The following FAM20B variants were observed in gnomAD, a reference collection of about 807,000 sequenced individuals.
FAM20B encodes the protein FAM20B glycosaminoglycan xylosylkinase.
In FAM20B, 23 loss-of-function variants were observed where a neutral mutation model predicts 43.8. That is an observed-to-expected ratio of 0.53 (90% CI 0.38 to 0.74). The LOEUF (loss-of-function observed/expected upper bound fraction) is 0.74. Ranked by LOEUF, FAM20B falls within the 30% of genes least tolerant of loss-of-function variation. The pLI, the probability that FAM20B is intolerant of heterozygous loss-of-function variation, is 0.00. For synonymous variants in FAM20B, 178 were observed against 192.4 expected, an observed-to-expected ratio of 0.93 and a Z score of 0.62; for missense variants, 440 against 510.5, an observed-to-expected ratio of 0.86 and a Z score of 1.33.
rs1356209879 is a variant in FAM20B, at chr1:179,040,703, G to A, written c.-133-3012G>A. On this transcript the variant is annotated intron_variant, in intron 1 of 7. Coordinates refer to ENST00000263733, the MANE Select transcript of FAM20B (RefSeq NM_014864.4). The stretch of plus-strand genomic sequence containing the variant: ...TCCCGGACGGGGCGGCTGGCCTGGC[G>A]GGGGCTGACCCCCCACCTCCCTCCC... 2.4e-5 allele frequency among the ~76,000 whole-genome samples: 3 copies of A among 126,316 alleles called. 1 individual carries two copies. The highest frequency in any genetic ancestry group is 2.2e-4 in the East Asian group (1 of 4,594). 82.9% of individuals were successfully genotyped at this position (126,316 alleles called of 152,430 possible).
intron 1 of FAM20B, among the ~76,000 whole-genome samples, chr1:179,026,889 A>G (rs1649813763): frequency 6.6e-6 from 1 of 152,248 alleles, no homozygotes. Flanking sequence ...CAGTCTCCGG[A>G]TAAGAAGAGA....
At chr1:179,042,901 CCCATGGGTGG>C (rs938376504) in intron 1 of FAM20B, among the ~76,000 whole-genome samples, 5 of 152,112 alleles carry the variant, frequency 3.3e-5, no homozygotes, top group African/African-American at 7.2e-5. Flanking sequence ...TGCTGATTGG[CCCATGGGTGG>C]CCATGGGTGG....
intron 1 of FAM20B, chr1:179,035,262 TTCTC>T (rs1258052295): frequency 1.8e-6 from 1 of 560,402 alleles, no homozygotes; most frequent in Non-Finnish European, 3.3e-6. Flanking sequence ...CATTGTATTT[TTCTC>T]CAGAGAATGG....
intron 3 of FAM20B, 137 bp from the exon 4 acceptor site, chr1:179,054,392 A>G (rs575064875): frequency 1.8e-6 from 1 of 551,140 alleles, no homozygotes; most frequent in South Asian, 2.4e-5. Flanking sequence ...AAATATATGT[A>G]CCTCTAAAAA....
At chr1:179,041,140 C>T (rs531342754) in intron 1 of FAM20B, among the ~76,000 whole-genome samples, 5 of 150,528 alleles carry the variant, frequency 3.3e-5, no homozygotes, top group South Asian at 2.1e-4. Context: ...GATGGGATGG[C>T]GGCCGGGCAG....
chr1:179,055,097 G>A (rs905223801), intron 4 of FAM20B, among the ~76,000 whole-genome samples: 5 of 152,164 alleles, frequency 3.3e-5, no homozygotes, highest in African/African-American at 1.2e-4. Flanking sequence ...TTGTAAGGTT[G>A]TATTTGGACC....
Position 179,054,596 on chromosome 1 carries a change from C to T in FAM20B, c.532C>T (p.Pro178Ser). The part of the protein sequence containing the change: ...RFVNLRTEIK[P>S]VATEQLLSTF... ...TGTTAATCTTCGGACAGAGATCAAACCTGTCGCCACAGAGCAGCTGTTGAG... is the reference window on the plus strand; with the variant it reads ...TGTTAATCTTCGGACAGAGATCAAATCTGTCGCCACAGAGCAGCTGTTGAG... Residue 178 changes from proline (P) to serine (S), a missense_variant, in exon 4 of 8, where the codon CCT becomes TCT. Coordinates refer to ENST00000263733, the MANE Select transcript of FAM20B (RefSeq NM_014864.4). 6.2e-7 allele frequency: 1 copy of T among 1,612,828 alleles called. No individual in the cohort carries two copies. The highest frequency in any genetic ancestry group is 8.5e-7 in the Non-Finnish European group (1 of 1,179,114).
At position 179,040,213 on chromosome 1, in the gene FAM20B, C is replaced by T. The variant is rs533070803; in HGVS notation, c.-133-3502C>T. On this transcript the variant is annotated intron_variant, in intron 1 of 7. Coordinates refer to ENST00000263733, the MANE Select transcript of FAM20B (RefSeq NM_014864.4). Reference sequence around the variant, plus strand: ...CCCTTTCTACTCCACAAAACCGCCACTGTCATCATGGCCCGTTCCCAGTGA... The same window carrying T: ...CCCTTTCTACTCCACAAAACCGCCATTGTCATCATGGCCCGTTCCCAGTGA... Among the ~76,000 whole-genome samples the T allele has an allele frequency of 2.0e-4, 31 of 152,374 alleles. No individual in the cohort carries two copies. The South Asian group carries it at 2.1e-3, about 10-fold the overall frequency.
intron 4 of FAM20B, among the ~76,000 whole-genome samples, chr1:179,059,525 TC>T (rs1428379728): frequency 6.6e-6 from 1 of 152,144 alleles, no homozygotes. Flanking sequence ...CCCCACATTC[TC>T]CCTTCTAGTT....
At chr1:179,054,868 T>C (rs1004047767) in intron 4 of FAM20B, among the ~76,000 whole-genome samples, 5 of 152,170 alleles carry the variant, frequency 3.3e-5, no homozygotes, top group African/African-American at 1.2e-4. Context: ...GGGAGTGAGG[T>C]CATTTAGTGA....
At chr1:179,050,516 G>A (rs1650960641) in intron 3 of FAM20B, 151 bp downstream of exon 3, 1 of 585,326 alleles carries the variant, frequency 1.7e-6, no homozygotes, top group Non-Finnish European at 3.0e-6. Context: ...CATTAAACTT[G>A]TATGAGTCTC....
intron 1 of FAM20B, among the ~76,000 whole-genome samples, chr1:179,028,054 CT>C: frequency 6.6e-6 from 1 of 152,288 alleles, no homozygotes; most frequent in East Asian, 1.9e-4. Context: ...CTAAATGAAA[CT>C]TTCTGTTCCT....
chr1:179,057,889 G>A (rs1177807930), intron 4 of FAM20B, among the ~76,000 whole-genome samples: 1 of 152,068 alleles, frequency 6.6e-6, no homozygotes, highest in African/African-American at 2.4e-5. Context: ...ATTCGTGAAG[G>A]TGATATTTTA....
chr1:179,066,217 G>C (rs1316318806), intron 6 of FAM20B, among the ~76,000 whole-genome samples: 1 of 152,184 alleles, frequency 6.6e-6, no homozygotes, highest in Non-Finnish European at 1.5e-5. Context: ...CAGTTTTCCA[G>C]AATCAGTTCT....
At chr1:179,030,246 T>TGTAGATAGTGAAC (rs1649953920) in intron 1 of FAM20B, among the ~76,000 whole-genome samples, 1 of 152,060 alleles carries the variant, frequency 6.6e-6, no homozygotes, top group Non-Finnish European at 1.5e-5. Context: ...TTATCGTTGG[T>TGTAGATAGTGAAC]GTAGATAGTG....
intron 2 of FAM20B, 138 bp from the exon 3 acceptor site, chr1:179,050,141 C>T: frequency 3.4e-6 from 2 of 586,836 alleles, no homozygotes; most frequent in South Asian, 2.2e-5. Flanking sequence ...CATGCTAATC[C>T]ACAGTTGTTT....
At chr1:179,018,600 C>T in the FAM20B span, among the ~76,000 whole-genome samples, 1 of 152,146 alleles carries the variant, frequency 6.6e-6, no homozygotes, top group African/African-American at 2.4e-5. Flanking sequence ...AGCCACCATG[C>T]CCGGCCCCAA....
At chr1:179,066,149 C>T (rs1431083870) in intron 6 of FAM20B, among the ~76,000 whole-genome samples, 1 of 152,154 alleles carries the variant, frequency 6.6e-6, no homozygotes, top group Admixed American at 6.5e-5. Flanking sequence ...CTACACTGTA[C>T]TAAGGGCTAC....
At chr1:179,069,080 A>T (rs1651810950) in intron 7 of FAM20B, among the ~76,000 whole-genome samples, 1 of 152,210 alleles carries the variant, frequency 6.6e-6, no homozygotes, top group African/African-American at 2.4e-5. Flanking sequence ...GGGTGAGCAG[A>T]TGGCCTTCAA....
Sources: gnomAD v4.1 joint callset for allele counts (sites outside exome capture counted in the v4.1 genomes callset) on GRCh38, gnomAD v4.1.1 for gene constraint, MANE v1.5 for transcripts, NCBI Gene and HGNC (gene_info 2026-07-23, HGNC 2026-07-21) for gene names.